Variants in BCOR observed in about 807,000 individuals in gnomAD.
The protein encoded by BCOR is BCL6 corepressor, also known as BCL-6 corepressor.
Under a neutral mutation model 86.7 loss-of-function variants are expected in BCOR, and 10 were observed. That is an observed-to-expected ratio of 0.12 (90% CI 0.07 to 0.20). The LOEUF is 0.20. Among genes scored for constraint, BCOR ranks in the 10% least tolerant of loss-of-function variants. The pLI, the probability that BCOR is intolerant of heterozygous loss-of-function variation, is 1.00. For synonymous variants in BCOR, 611 were observed against 609.0 expected, an observed-to-expected ratio of 1.00 and a Z score of -0.05; for missense variants, 1,259 against 1,452.1, an observed-to-expected ratio of 0.87 and a Z score of 2.16.
At chrX:40,061,215 A>G (rs763183020) in intron 10 of BCOR, among the ~76,000 whole-genome samples, 1 of 112,295 alleles carries the variant, frequency 8.9e-6, no homozygotes, top group African/African-American at 3.2e-5. Context: ...GGGCTATTAC[A>G]TCACTATCTC....
chrX:40,055,420 A>G lies in BCOR; in HGVS notation c.4689T>C (p.Gly1563=), dbSNP rs939854534. The part of the protein sequence containing the change: ...GADPTLATYS[G]RTIMKMTHSE... ...TGTGGGTCATTTTCATGATGGTTCT[A>G]CCTGAGTACGTAGCCAAGGTGGGGT... The change falls in exon 12 of 15, where the codon GGT becomes GGC. Residue 1563 remains glycine, a synonymous_variant. Coordinates refer to ENST00000378444, the MANE Select transcript of BCOR (RefSeq NM_001123385.2). 3.3e-6 allele frequency: 4 copies of G among 1,209,231 alleles called. No individual in the cohort carries two copies. In the African/African-American group the frequency reaches 7.0e-5, roughly 21 times the overall value.
intron 1 of BCOR, among the ~76,000 whole-genome samples, chrX:40,092,119 CCGCCG>C (rs1936646682): frequency 8.9e-6 from 1 of 112,240 alleles, no homozygotes; most frequent in Non-Finnish European, 1.9e-5. Flanking sequence ...GTTCCCCGCC[CCGCCG>C]CGCCTCTCCG....
chrX:40,102,010 C>A (rs1937082556), upstream of BCOR, among the ~76,000 whole-genome samples: 1 of 112,134 alleles, frequency 8.9e-6, no homozygotes, highest in Non-Finnish European at 1.9e-5. Context: ...CTGCCCCATC[C>A]TCCAAGCACA....
intron 1 of BCOR, among the ~76,000 whole-genome samples, chrX:40,090,728 G>A (rs954942663): frequency 3.0e-4 from 34 of 112,591 alleles, no homozygotes; most frequent in Admixed American, 9.3e-4. Context: ...GCTCCGGGAA[G>A]GGGGAGGGGA....
At chrX:40,075,715 C>A (rs896308115) in intron 3 of BCOR, among the ~76,000 whole-genome samples, 2 of 111,431 alleles carry the variant, frequency 1.8e-5, no homozygotes, top group Non-Finnish European at 3.8e-5. Flanking sequence ...GCCAAGACTG[C>A]GCCACTGCAC....
chrX:40,127,141 G>A (rs891198244), intron 1 of BCOR, among the ~76,000 whole-genome samples: 1 of 112,182 alleles, frequency 8.9e-6, no homozygotes, highest in Non-Finnish European at 1.9e-5. Context: ...GACTTGCTCT[G>A]ACCAATAGAA....
chrX:40,052,707 G>C (rs1392637286), intron 14 of BCOR, among the ~76,000 whole-genome samples: 2 of 109,258 alleles, frequency 1.8e-5, no homozygotes, highest in Non-Finnish European at 3.8e-5. Flanking sequence ...TGGGACTACA[G>C]GGGCCCGCCA....
rs1368821924 is a variant in BCOR, at chrX:40,097,907, G to C, written c.-733C>G. Among the ~76,000 whole-genome samples, 1 of 110,408 alleles carries C rather than the reference G, an allele frequency of 9.1e-6. No homozygotes were observed. Among genetic ancestry groups the C allele is most frequent in the Non-Finnish European group, 1.9e-5 (1 of 52,397 alleles). On this transcript the variant is annotated 5_prime_UTR_variant, in exon 1 of 15. Coordinates refer to ENST00000378444, the MANE Select transcript of BCOR (RefSeq NM_001123385.2). ...AGCCGCCGAGCTCGGCCCGCGTTCA[G>C]CGAGGAGCGCAGCTCTGCCTCACCT... is the stretch of plus-strand genomic sequence containing the variant.
rs774822335 is a variant in BCOR, at chrX:40,133,139, C to CT, written c.-41+43867dup. Among the ~76,000 whole-genome samples the CT allele has an allele frequency of 7.3e-3, 731 of 100,117 alleles. 1 individual carries two copies. Among genetic ancestry groups the CT allele is most frequent in the African/African-American group, 0.017 (461 of 27,550 alleles). The allele number at this position is 100,117 out of a possible 115,157, so 86.9% of individuals were successfully genotyped here. ...TTCAATTTCTTTTTTTTCTTTTTTT[C>CT]TTTTTTTTTTTTTTTTGAGATGGAG... On this transcript the variant is annotated intron_variant, in intron 1 of 14. Coordinates refer to the BCOR transcript ENST00000342274.
intron 11 of BCOR, among the ~76,000 whole-genome samples, chrX:40,056,419 A>T (rs1934601818): frequency 9.1e-6 from 1 of 110,329 alleles, no homozygotes; most frequent in Non-Finnish European, 1.9e-5. Flanking sequence ...AAGCCAAGGG[A>T]ACGGTGGGGA....
At chrX:40,058,435 G>T (rs1395533473) in intron 10 of BCOR, among the ~76,000 whole-genome samples, 1 of 111,658 alleles carries the variant, frequency 9.0e-6, no homozygotes, top group Non-Finnish European at 1.9e-5. Context: ...ACTTGGCAAG[G>T]GGGGAGCTTG....
intron 1 of BCOR, among the ~76,000 whole-genome samples, chrX:40,133,131 C>CT (rs1265187919): frequency 1.8e-5 from 2 of 108,741 alleles, no homozygotes; most frequent in African/African-American, 6.7e-5. Flanking sequence ...TCTTTTTTTT[C>CT]TTTTTTTCTT....
At chrX:40,129,838 C>T (rs1313539448) in intron 1 of BCOR, among the ~76,000 whole-genome samples, 2 of 110,546 alleles carry the variant, frequency 1.8e-5, no homozygotes, top group South Asian at 3.8e-4. Flanking sequence ...GTCCGGAGTT[C>T]GAGACCAGCC....
At chrX:40,109,267 C>T (rs1436591786) in intron 1 of BCOR, among the ~76,000 whole-genome samples, 1 of 111,819 alleles carries the variant, frequency 8.9e-6, no homozygotes, top group Non-Finnish European at 1.9e-5. Context: ...GCGGGTGCCC[C>T]CACCCCCACC....
chrX:40,145,075 A>G (rs1321090673), intron 1 of BCOR, among the ~76,000 whole-genome samples: 1 of 105,419 alleles, frequency 9.5e-6, no homozygotes, highest in Non-Finnish European at 1.9e-5. Flanking sequence ...CTCACACGAG[A>G]CAAACAAGCG....
At chrX:40,080,844 GTGTGTGTGTGTGTGTGTGTGTT>G (rs1415724783) in intron 1 of BCOR, among the ~76,000 whole-genome samples, 2 of 103,222 alleles carry the variant, frequency 1.9e-5, no homozygotes, top group Admixed American at 2.0e-4. Context: ...GTGTGTGTGT[GTGTGTGTGTGTGTGTGTGTGTT>G]TTGGGAGGGA....
chrX:40,167,501 C>T (rs1357805210), intron 1 of BCOR, among the ~76,000 whole-genome samples: 3 of 112,650 alleles, frequency 2.7e-5, no homozygotes, highest in African/African-American at 9.7e-5. Flanking sequence ...AATACATTTC[C>T]TTATTCCCGC....
intron 1 of BCOR, among the ~76,000 whole-genome samples, chrX:40,124,981 G>A (rs1361763321): frequency 9.4e-6 from 1 of 106,183 alleles, no homozygotes; most frequent in Non-Finnish European, 1.9e-5. Flanking sequence ...GCATCTTGTG[G>A]GGAGTGTTGG....
chrX:40,093,510 G>T (rs1353051356), intron 1 of BCOR, among the ~76,000 whole-genome samples: 2 of 111,513 alleles, frequency 1.8e-5, no homozygotes, highest in African/African-American at 6.5e-5. Flanking sequence ...TGTCTGCAGA[G>T]GTGTATTAAA....
Sources: gnomAD v4.1 joint callset for allele counts (sites outside exome capture counted in the v4.1 genomes callset) on GRCh38, gnomAD v4.1.1 for gene constraint, MANE v1.5 for transcripts, NCBI Gene and HGNC (gene_info 2026-07-23, HGNC 2026-07-21) for gene names.